Variants in GSG1L observed in about 807,000 individuals in gnomAD.
GSG1L encodes GSG1 like.
In GSG1L, 24 loss-of-function variants were observed where a neutral mutation model predicts 42.1. That is an observed-to-expected ratio of 0.57 (90% confidence interval 0.41 to 0.80). The LOEUF is 0.80. Ranked by LOEUF, GSG1L falls within the 30% of genes least tolerant of loss-of-function variation. The pLI is 0.00. For synonymous variants in GSG1L, 215 were observed against 203.5 expected, an observed-to-expected ratio of 1.06 and a Z score of -0.48; for missense variants, 445 against 472.2, an observed-to-expected ratio of 0.94 and a Z score of 0.53.
intron 3 of GSG1L, among the ~76,000 whole-genome samples, chr16:27,853,226 C>T (rs1214673995): frequency 6.6e-6 from 1 of 152,206 alleles, no homozygotes; most frequent in Non-Finnish European, 1.5e-5. Context: ...TTTCCCTGTG[C>T]CCTCTGCCCT....
chr16:27,807,586 T>C, intron 5 of GSG1L, 32 bp from the exon 6 acceptor site: 1 of 1,585,556 alleles, frequency 6.3e-7, no homozygotes, highest in Non-Finnish European at 8.6e-7. Context: ...AACAAAATCC[T>C]AGGTAGGAAA....
At chr16:28,055,660 G>C (rs934865730) in intron 1 of GSG1L, among the ~76,000 whole-genome samples, 1 of 151,402 alleles carries the variant, frequency 6.6e-6, no homozygotes, top group African/African-American at 2.4e-5. Context: ...AGTAGAGATG[G>C]GATTTCGCCA....
In GSG1L at chr16:27,964,636, G is replaced by A. The variant is rs139291274; in HGVS notation, c.350-1433C>T. On this transcript the variant is annotated intron_variant, in intron 1 of 6. Transcript: ENST00000447459. ...CATTTGCAACCACATGGATGGAATC[G>A]GAAGTCATTATGTTAAGTGAAATAA... Among the ~76,000 whole-genome samples, 770 of 152,292 alleles carry A rather than the reference G, an allele frequency of 5.1e-3. 12 individuals carry two copies. The highest frequency in any genetic ancestry group is 0.018 in the African/African-American group (754 of 41,550).
intron 6 of GSG1L, among the ~76,000 whole-genome samples, chr16:27,793,225 C>T (rs2082775010): frequency 6.6e-6 from 1 of 152,060 alleles, no homozygotes; most frequent in Non-Finnish European, 1.5e-5. Context: ...GGCTGCAAGA[C>T]AAGAGTCAAA....
intron 3 of GSG1L, among the ~76,000 whole-genome samples, chr16:27,883,977 G>A (rs886805139): frequency 2.0e-5 from 3 of 152,176 alleles, no homozygotes; most frequent in Middle Eastern, 3.2e-3. Flanking sequence ...TGAGCTTCCG[G>A]ATGTGTTTGA....
At chr16:27,904,814 G>A (rs1483963128) in intron 2 of GSG1L, among the ~76,000 whole-genome samples, 2 of 152,158 alleles carry the variant, frequency 1.3e-5, no homozygotes, top group East Asian at 3.9e-4. Flanking sequence ...GTCATAAATG[G>A]GGGTGAATGC....
At chr16:27,942,386 G>GGTCTGTTGGCTGTTGTGAATAATGC (rs2084810639) in intron 2 of GSG1L, among the ~76,000 whole-genome samples, 3 of 150,468 alleles carry the variant, frequency 2.0e-5, no homozygotes, top group Admixed American at 6.6e-5. Context: ...CTGACCTCAG[G>GGTCTGTTGGCTGTTGTGAATAATGC]TGATCCACTT....
At chr16:27,995,595 C>A (rs2085507175) in intron 1 of GSG1L, among the ~76,000 whole-genome samples, 1 of 152,040 alleles carries the variant, frequency 6.6e-6, no homozygotes, top group Admixed American at 6.6e-5. Context: ...CCTTTCCCTG[C>A]AAAACCACAA....
At chr16:27,807,838 T>C (rs778387719) in intron 5 of GSG1L, among the ~76,000 whole-genome samples, 4 of 152,210 alleles carry the variant, frequency 2.6e-5, no homozygotes, top group Non-Finnish European at 5.9e-5. Flanking sequence ...AAACCCATCA[T>C]TCTGTCAAAA....
At chr16:27,995,842 G>T (rs1011735560) in intron 1 of GSG1L, among the ~76,000 whole-genome samples, 1 of 151,338 alleles carries the variant, frequency 6.6e-6, no homozygotes. Flanking sequence ...GGCCATTGAA[G>T]AAGGACCTCT....
At chr16:27,825,994 T>C (rs2083203598) in intron 5 of GSG1L, among the ~76,000 whole-genome samples, 1 of 152,148 alleles carries the variant, frequency 6.6e-6, no homozygotes, top group Non-Finnish European at 1.5e-5. Context: ...ATTAGCAGCA[T>C]GAGAACCGAC....
intron 1 of GSG1L, among the ~76,000 whole-genome samples, chr16:28,042,957 C>A (rs573470467): frequency 6.6e-6 from 1 of 152,046 alleles, no homozygotes; most frequent in Non-Finnish European, 1.5e-5. Context: ...AAACGCAGAG[C>A]GAAAATACAC....
At chr16:27,813,146 A>G (rs1354095682) in intron 5 of GSG1L, among the ~76,000 whole-genome samples, 1 of 152,092 alleles carries the variant, frequency 6.6e-6, no homozygotes, top group African/African-American at 2.4e-5. Flanking sequence ...TACAGAGGTA[A>G]ATTGCATGTC....
chr16:27,882,600 T>G (rs1316892076), intron 3 of GSG1L, among the ~76,000 whole-genome samples: 2 of 152,126 alleles, frequency 1.3e-5, no homozygotes, highest in Admixed American at 6.5e-5. Context: ...CGCTGTCCAC[T>G]CCACCTGGAA....
chr16:27,856,030 G>A (rs2083573105), intron 3 of GSG1L, among the ~76,000 whole-genome samples: 1 of 152,150 alleles, frequency 6.6e-6, no homozygotes, highest in Admixed American at 6.5e-5. Flanking sequence ...TTTTAGAGCA[G>A]GATTTCTAAA....
intron 3 of GSG1L, among the ~76,000 whole-genome samples, chr16:27,861,383 T>A (rs1300666692): frequency 6.6e-6 from 1 of 150,518 alleles, no homozygotes; most frequent in Admixed American, 6.6e-5. Flanking sequence ...TCAAAAAAAA[T>A]TAAAAATTAA....
chr16:27,844,283 A>T (rs555698374), intron 4 of GSG1L, among the ~76,000 whole-genome samples: 3 of 152,174 alleles, frequency 2.0e-5, no homozygotes, highest in Non-Finnish European at 4.4e-5. Flanking sequence ...AAAGCAAAAG[A>T]ACCCTGACTA....
intron 1 of GSG1L, among the ~76,000 whole-genome samples, chr16:27,976,444 T>A (rs1167677638): frequency 6.6e-6 from 1 of 152,196 alleles, no homozygotes; most frequent in Non-Finnish European, 1.5e-5. Context: ...AAGCAATTAA[T>A]AGTACTTCAT....
chr16:27,945,921 G>A (rs543479474), intron 2 of GSG1L, among the ~76,000 whole-genome samples: 1 of 152,366 alleles, frequency 6.6e-6, no homozygotes, highest in East Asian at 1.9e-4. Context: ...TGCCTGATGA[G>A]CAGAGGGTAA....
Sources: gnomAD v4.1 joint callset for allele counts (sites outside exome capture counted in the v4.1 genomes callset) on GRCh38, gnomAD v4.1.1 for gene constraint, MANE v1.5 for transcripts, NCBI Gene and HGNC (gene_info 2026-07-23, HGNC 2026-07-21) for gene names.